EFL1: variants seen among roughly 807,000 people sequenced by gnomAD.
EFL1 encodes the protein elongation factor like GTPase 1, also known as elongation factor-like GTPase 1.
In EFL1, 76 loss-of-function variants were observed where a neutral mutation model predicts 126.7. The ratio of observed to expected loss-of-function variants is 0.60; its 90% confidence interval spans 0.50 to 0.73. EFL1 has a LOEUF of 0.73. Among genes scored for constraint, EFL1 ranks in the 30% least tolerant of loss-of-function variants. The pLI is 0.00. For missense variants in EFL1, 1,128 were observed against 1,343.2 expected, an observed-to-expected ratio of 0.84 and a Z score of 2.50; for synonymous variants, 410 against 448.4, an observed-to-expected ratio of 0.91 and a Z score of 1.08.
Position 82,130,573 on chromosome 15 carries a change from A to T in EFL1, c.3175-12T>A. On this transcript the variant is annotated splice_polypyrimidine_tract_variant and intron_variant, in intron 19 of 19. Transcript: ENST00000268206. ...TCACTGGGAATGATCTTGTAAAAGA[A>T]GATGACAGAATGTGCAAGGTTAGGC... 1 of 1,612,838 alleles carries T rather than the reference A, an allele frequency of 6.2e-7. No individual in the cohort carries two copies. The highest frequency in any genetic ancestry group is 8.5e-7 in the Non-Finnish European group (1 of 1,179,450).
chr15:82,232,984 T>A (rs1231659457), intron 7 of EFL1, among the ~76,000 whole-genome samples: 1 of 152,126 alleles, frequency 6.6e-6, no homozygotes, highest in East Asian at 1.9e-4. Context: ...CAGATAAATA[T>A]CCTGCTCTTA....
intron 15 of EFL1, among the ~76,000 whole-genome samples, chr15:82,194,361 G>A (rs1242595402): frequency 6.6e-6 from 1 of 152,104 alleles, no homozygotes; most frequent in Admixed American, 6.5e-5. Context: ...TGAATCCGGC[G>A]CCATTCTCAA....
rs779505479 is a variant in EFL1 at position 82,138,679 on chromosome 15, T to C, written c.3153A>G (p.Gln1051=). 3.1e-6 allele frequency: 5 copies of C among 1,613,852 alleles called. No individual in the cohort carries two copies. The highest frequency in any genetic ancestry group is 2.5e-6 in the Non-Finnish European group (3 of 1,179,836). ...RKRTSGLASP[Q]LVFSHWEIIP... ...TTACCTCCCAATGGCTGAATACTAG[T>C]TGTGGGCTGGCCAGGCCACTTGTCC... The change falls in exon 19 of 20, where the codon CAA becomes CAG. Residue 1051 remains glutamine (Q), a synonymous_variant. Transcript: ENST00000268206.
intron 16 of EFL1, 122 bp downstream of exon 16, chr15:82,163,731 T>A (rs925320784): frequency 5.4e-5 from 66 of 1,217,590 alleles, no homozygotes; most frequent in Middle Eastern, 5.3e-4. Flanking sequence ...GCTTCTACTA[T>A]AGACCTCAAT....
intron 11 of EFL1, among the ~76,000 whole-genome samples, chr15:82,225,636 A>T (rs934018971): frequency 6.6e-6 from 1 of 152,266 alleles, no homozygotes; most frequent in Non-Finnish European, 1.5e-5. Context: ...CCAAAGGCCA[A>T]CAATCAACAA....
chr15:82,191,432 C>G (rs1355832361), intron 15 of EFL1, among the ~76,000 whole-genome samples: 11 of 152,060 alleles, frequency 7.2e-5, no homozygotes, highest in Admixed American at 5.9e-4. Context: ...AATATAGAAG[C>G]TAAAAGCAGA....
At chr15:82,221,429 A>G (rs1280604764) in intron 12 of EFL1, among the ~76,000 whole-genome samples, 4 of 151,982 alleles carry the variant, frequency 2.6e-5, no homozygotes, top group Non-Finnish European at 5.9e-5. Flanking sequence ...CTACCTTTCT[A>G]TTTCACGTAA....
At chr15:82,225,308 TA>T (rs371280599) in intron 11 of EFL1, 44 bp from the exon 12 acceptor site, 59,409 of 1,071,620 alleles carry the variant, frequency 0.055, 217 homozygotes, top group Middle Eastern at 0.074. Context: ...TTCCCATTAT[TA>T]AAAAAAAAAA....
At chr15:82,238,960 C>CA (rs1045604709) in intron 6 of EFL1, among the ~76,000 whole-genome samples, 4 of 152,216 alleles carry the variant, frequency 2.6e-5, no homozygotes, top group African/African-American at 7.2e-5. Context: ...ATCCTCAACT[C>CA]TACTTTCACT....
chr15:82,137,054 T>C (rs1351391163), intron 19 of EFL1, among the ~76,000 whole-genome samples: 2 of 151,602 alleles, frequency 1.3e-5, no homozygotes, highest in Non-Finnish European at 2.9e-5. Flanking sequence ...GCAGACACAA[T>C]GGTGTGCTCT....
chr15:82,144,777 G>A (rs980656453), intron 18 of EFL1, among the ~76,000 whole-genome samples: 17 of 151,498 alleles, frequency 1.1e-4, no homozygotes, highest in African/African-American at 3.9e-4. Flanking sequence ...GGAGGATCAT[G>A]AGGTCAGGAG....
At chr15:82,160,896 G>C (rs558542387) in intron 16 of EFL1, among the ~76,000 whole-genome samples, 1 of 152,278 alleles carries the variant, frequency 6.6e-6, no homozygotes, top group East Asian at 1.9e-4. Flanking sequence ...AGGGCTTTTG[G>C]GAGGATTAAA....
rs1364818672 is a variant in EFL1 at position 82,151,712 on chromosome 15, T to A, written c.2742A>T (p.Gly914=). 5 of 1,614,180 alleles carry A rather than the reference T, an allele frequency of 3.1e-6. No homozygotes were observed. The highest frequency in any genetic ancestry group is 1.6e-4 in the Middle Eastern group (1 of 6,062). ...CAGAACAGGTTTCATTTTCCTCCTG[T>A]CCCTCTTTTGCCAGATCACTTGCTC... The part of the protein sequence containing the change: ...EQGASDLAKE[G]QEENETCSGG... The change falls in exon 18 of 20, where the codon GGA becomes GGT. Residue 914 remains glycine (G), a synonymous_variant. Transcript: ENST00000268206.
In EFL1 at chr15:82,262,722, G is replaced by C. The variant is rs2075141810; in HGVS notation, c.-128C>G. On this transcript the variant is annotated 5_prime_UTR_variant, in exon 1 of 20. Transcript: ENST00000268206. Reference sequence around the variant, plus strand: ...GGTCCGACACGCCCGCGCGCCAGGGGGCGGGGCCGGCTGTCGCTCGACCTT... The same window carrying C: ...GGTCCGACACGCCCGCGCGCCAGGGCGCGGGGCCGGCTGTCGCTCGACCTT... The C allele has an allele frequency of 2.3e-6, 2 of 859,012 alleles. No individual in the cohort carries two copies. The highest frequency in any genetic ancestry group is 3.6e-5 in the African/African-American group (2 of 56,320). The allele number at this position is 859,012 out of a possible 1,614,324, so 53.2% of individuals were successfully genotyped here.
chr15:82,253,894 CCTT>C (rs1283574923), intron 3 of EFL1, among the ~76,000 whole-genome samples: 6 of 152,130 alleles, frequency 3.9e-5, no homozygotes, highest in Admixed American at 1.3e-4. Flanking sequence ...ACCAGACTAA[CCTT>C]CTCCTCCTTT....
At chr15:82,141,687 C>CA (rs111707224) in intron 18 of EFL1, among the ~76,000 whole-genome samples, 26,217 of 111,418 alleles carry the variant, frequency 0.24, 2,779 homozygotes, top group Non-Finnish European at 0.32. Context: ...AAAAAAAAAC[C>CA]AAAAAAAAAA....
chr15:82,222,855 T>C (rs1339341412), intron 12 of EFL1, among the ~76,000 whole-genome samples: 1 of 152,190 alleles, frequency 6.6e-6, no homozygotes, highest in East Asian at 1.9e-4. Flanking sequence ...TTACTAATAC[T>C]GAGATGAAGG....
At chr15:82,237,861 A>T (rs537916299) in intron 7 of EFL1, among the ~76,000 whole-genome samples, 1 of 152,342 alleles carries the variant, frequency 6.6e-6, no homozygotes, top group South Asian at 2.1e-4. Flanking sequence ...AATGCATGCA[A>T]TAACTTGGAT....
intron 15 of EFL1, among the ~76,000 whole-genome samples, chr15:82,202,258 C>T (rs1567061209): frequency 1.3e-5 from 2 of 152,124 alleles, no homozygotes; most frequent in South Asian, 4.2e-4. Context: ...TACTTTTCCC[C>T]CAGAAAAGTA....
Sources: allele counts gnomAD v4.1 joint callset (sites outside exome capture counted in the v4.1 genomes callset), GRCh38; gene constraint gnomAD v4.1.1; transcripts MANE v1.5; gene names NCBI Gene and HGNC (gene_info 2026-07-23, HGNC 2026-07-21).